The following UNC5C variants were observed in gnomAD, a reference collection of about 807,000 sequenced individuals.
UNC5C encodes unc-5 netrin receptor C, also known as netrin receptor UNC5C.
In UNC5C, 47 loss-of-function variants were observed where a neutral mutation model predicts 99.8. That is an observed-to-expected ratio of 0.47 (90% CI 0.37 to 0.60). The LOEUF is 0.60. UNC5C is among the 20% of genes least tolerant of loss of function. UNC5C has a pLI of 0.00. For synonymous variants in UNC5C, 487 were observed against 452.2 expected, an observed-to-expected ratio of 1.08 and a Z score of -0.98; for missense variants, 1,062 against 1,165.9, an observed-to-expected ratio of 0.91 and a Z score of 1.30.
chr4:95,395,231 T>C (rs188875065), intron 1 of UNC5C, among the ~76,000 whole-genome samples: 8 of 152,332 alleles, frequency 5.3e-5, no homozygotes, highest in Admixed American at 2.6e-4. Context: ...GTTATTTGCT[T>C]TTTGGGAATG....
At chr4:95,513,732 CA>C (rs1413450095) in intron 1 of UNC5C, among the ~76,000 whole-genome samples, 2 of 152,094 alleles carry the variant, frequency 1.3e-5, no homozygotes, top group East Asian at 3.8e-4. Flanking sequence ...AGCAGGCTGG[CA>C]AAAGCCTTTT....
chr4:95,336,324 T>C (rs1031510162), intron 1 of UNC5C, among the ~76,000 whole-genome samples: 1 of 151,882 alleles, frequency 6.6e-6, no homozygotes, highest in African/African-American at 2.4e-5. Flanking sequence ...AAAAACAGTC[T>C]TTCCAACACA....
intron 1 of UNC5C, among the ~76,000 whole-genome samples, chr4:95,425,076 T>G (rs568457828): frequency 2.0e-5 from 3 of 152,274 alleles, no homozygotes; most frequent in South Asian, 4.1e-4. Flanking sequence ...TACTTGTCAC[T>G]TTTCCACTCC....
Position 95,481,570 on chromosome 4 carries a change from G to A in UNC5C, c.124+67164C>T, listed in dbSNP as rs1721157103. On this transcript the variant is annotated intron_variant, in intron 1 of 15. Transcript: ENST00000453304. ...TCGCCAAGTCAATCCTAAGCCAAAA[G>A]AACAAAACTGGAGGCATCACTCTAC... Among the ~76,000 whole-genome samples the A allele has an allele frequency of 2.0e-5, 3 of 151,988 alleles. No individual in the cohort carries two copies. The South Asian group carries it at 6.2e-4, about 32-fold the overall frequency.
In UNC5C at chr4:95,206,699, G is replaced by A; in HGVS notation, c.1831C>T (p.His611Tyr). The change falls in exon 11 of 16, where the codon CAC becomes TAC. Residue 611 changes from histidine to tyrosine, a missense_variant. By Grantham distance (83) the His-to-Tyr change is moderately conservative. This residue lies in a region of UNC5C where 810 missense variants were observed against 854.5 expected (regional missense o/e 0.95). Transcript: ENST00000453304. ...TCCTCGGTATTGGGGTCTGCGCAGT[G>A]ATGCATAGTGAGGACGACTGGGCGG... The part of the protein sequence containing the change: ...LTRPVVLTMH[H>Y]CADPNTEDWK... 2 of 1,614,120 alleles carry A rather than the reference G, an allele frequency of 1.2e-6. No individual in the cohort carries two copies. The highest frequency in any genetic ancestry group is 1.7e-6 in the Non-Finnish European group (2 of 1,180,024).
At chr4:95,214,192 A>G (rs188781750) in intron 10 of UNC5C, among the ~76,000 whole-genome samples, 7 of 152,238 alleles carry the variant, frequency 4.6e-5, no homozygotes, top group African/African-American at 9.6e-5. Context: ...CATCTGGTTC[A>G]TAACAGAAAA....
At chr4:95,431,762 C>T (rs1355155058) in intron 1 of UNC5C, among the ~76,000 whole-genome samples, 1 of 151,962 alleles carries the variant, frequency 6.6e-6, no homozygotes, top group African/African-American at 2.4e-5. Flanking sequence ...AGAGAAGTAC[C>T]TTTAGAAGAG....
intron 5 of UNC5C, among the ~76,000 whole-genome samples, chr4:95,250,224 G>A (rs1391874914): frequency 6.6e-6 from 1 of 152,062 alleles, no homozygotes; most frequent in African/African-American, 2.4e-5. Flanking sequence ...AGATTGAAAA[G>A]GAGCTTCTAG....
At chr4:95,414,084 G>T (rs1341611756) in intron 1 of UNC5C, among the ~76,000 whole-genome samples, 1 of 152,142 alleles carries the variant, frequency 6.6e-6, no homozygotes, top group Non-Finnish European at 1.5e-5. Context: ...ATCACACCAG[G>T]TTAATTTATT....
intron 5 of UNC5C, chr4:95,248,401 G>A (rs533852408): frequency 2.8e-6 from 1 of 354,964 alleles, no homozygotes; most frequent in African/African-American, 2.2e-5. Context: ...TCAATTATGT[G>A]TTAAGGCTAA....
At chr4:95,332,077 A>C (rs1368442628) in intron 2 of UNC5C, among the ~76,000 whole-genome samples, 1 of 152,202 alleles carries the variant, frequency 6.6e-6, no homozygotes, top group African/African-American at 2.4e-5. Context: ...AAGAGGATAC[A>C]AACAAAGGGA....
chr4:95,316,452 C>T (rs1415351780), intron 2 of UNC5C, among the ~76,000 whole-genome samples: 4 of 152,204 alleles, frequency 2.6e-5, no homozygotes, highest in East Asian at 1.9e-4. Flanking sequence ...CTCTCATAGG[C>T]GCTTCGGAGC....
intron 1 of UNC5C, among the ~76,000 whole-genome samples, chr4:95,408,852 G>C (rs1044676222): frequency 2.0e-5 from 3 of 152,086 alleles, no homozygotes; most frequent in South Asian, 4.1e-4. Context: ...GTATAACATG[G>C]AATAACCTTC....
chr4:95,479,475 G>C (rs1721066904), intron 1 of UNC5C, among the ~76,000 whole-genome samples: 1 of 151,932 alleles, frequency 6.6e-6, no homozygotes, highest in African/African-American at 2.4e-5. Context: ...AACCACAACA[G>C]TGGGTAGAAA....
chr4:95,507,221 G>C (rs937662202), intron 1 of UNC5C, among the ~76,000 whole-genome samples: 3 of 151,902 alleles, frequency 2.0e-5, no homozygotes, highest in Non-Finnish European at 2.9e-5. Context: ...ATCATACCAA[G>C]TAAATTAATC....
At chr4:95,329,039 C>T (rs1743013164) in intron 2 of UNC5C, among the ~76,000 whole-genome samples, 1 of 152,122 alleles carries the variant, frequency 6.6e-6, no homozygotes, top group Non-Finnish European at 1.5e-5. Flanking sequence ...TCCTCTCTCA[C>T]CAGTGCATTG....
intron 1 of UNC5C, among the ~76,000 whole-genome samples, chr4:95,481,763 A>C (rs1216908591): frequency 6.6e-6 from 1 of 152,194 alleles, no homozygotes; most frequent in Non-Finnish European, 1.5e-5. Flanking sequence ...TGGGGAAAGG[A>C]TTCCCTATTT....
intron 2 of UNC5C, among the ~76,000 whole-genome samples, chr4:95,332,466 G>A (rs1381123809): frequency 2.7e-5 from 4 of 149,068 alleles, no homozygotes; most frequent in African/African-American, 9.8e-5. Flanking sequence ...AACAAGCAAT[G>A]GGGAAAGGAT....
intron 1 of UNC5C, among the ~76,000 whole-genome samples, chr4:95,337,537 G>C (rs143428043): frequency 0.012 from 1,859 of 151,946 alleles, 45 homozygotes; most frequent in African/African-American, 0.042. Context: ...AAGACAAATG[G>C]AAGCAAAAAA....
Sources: gnomAD v4.1 joint callset for allele counts (sites outside exome capture counted in the v4.1 genomes callset) on GRCh38, gnomAD v4.1.1 for gene constraint, gnomAD v4.1.1 regional missense constraint, MANE v1.5 for transcripts, NCBI Gene and HGNC (gene_info 2026-07-23, HGNC 2026-07-21) for gene names.